The following PTBP2 variants were observed in gnomAD, a reference collection of about 807,000 sequenced individuals.
The protein encoded by PTBP2 is polypyrimidine tract binding protein 2.
Under a neutral mutation model 61.4 loss-of-function variants are expected in PTBP2, and 13 were observed. The observed-to-expected ratio is 0.21, with a 90% CI of 0.14 to 0.34. The LOEUF is 0.34. Ranked by LOEUF, PTBP2 falls within the 10% of genes least tolerant of loss-of-function variation. The pLI is 1.00. For synonymous variants in PTBP2, 215 were observed against 218.5 expected (o/e 0.98, Z 0.14); for missense variants, 405 against 642.6 (o/e 0.63, Z 4.00).
chr1:96,796,660 T>C (rs192524637), intron 8 of PTBP2, among the ~76,000 whole-genome samples: 232 of 152,292 alleles, frequency 1.5e-3, no homozygotes, highest in Admixed American at 2.9e-3. Context: ...GATGAAAGCA[T>C]AGACAGAATG....
chr1:96,739,126 G>A (rs1652630213), intron 2 of PTBP2, among the ~76,000 whole-genome samples: 1 of 152,096 alleles, frequency 6.6e-6, no homozygotes, highest in African/African-American at 2.4e-5. Flanking sequence ...TCTCCAGGTT[G>A]ATGGGATTAG....
chr1:96,759,278 A>G (rs941842500), intron 3 of PTBP2, among the ~76,000 whole-genome samples: 1 of 152,206 alleles, frequency 6.6e-6, no homozygotes, highest in Non-Finnish European at 1.5e-5. Flanking sequence ...ATGTGGAAAT[A>G]AAAAGGAGCT....
In PTBP2 at chr1:96,796,439, T is replaced by G. The variant is rs991066009; in HGVS notation, c.905-8361T>G. On this transcript the variant is annotated intron_variant, in intron 8 of 13. Coordinates refer to ENST00000674951, the MANE Select transcript of PTBP2 (RefSeq NM_021190.4). Reference sequence around the variant, plus strand: ...GATGAAAGAAGTGAGGATTTTGAAGTTGGTTGAAAGATTTGATTGAATTCT... The same window carrying G: ...GATGAAAGAAGTGAGGATTTTGAAGGTGGTTGAAAGATTTGATTGAATTCT... 2.6e-5 allele frequency among the ~76,000 whole-genome samples: 4 copies of G among 152,058 alleles called. No individual in the cohort carries two copies. In the East Asian group the frequency reaches 7.7e-4, roughly 29 times the overall value.
intron 8 of PTBP2, among the ~76,000 whole-genome samples, chr1:96,792,286 C>T (rs1389148425): frequency 6.6e-6 from 1 of 152,138 alleles, no homozygotes. Context: ...AGGCACTGTT[C>T]TTAGCCCTTT....
intron 5 of PTBP2, among the ~76,000 whole-genome samples, chr1:96,776,216 T>G (rs1658022237): frequency 6.6e-6 from 1 of 152,024 alleles, no homozygotes; most frequent in African/African-American, 2.4e-5. Flanking sequence ...TAAGAACATG[T>G]TCACTAATGA....
At chr1:96,762,319 C>T (rs1655999329) in intron 3 of PTBP2, among the ~76,000 whole-genome samples, 1 of 151,126 alleles carries the variant, frequency 6.6e-6, no homozygotes, top group Non-Finnish European at 1.5e-5. Context: ...GGCAGAGGCG[C>T]CCCTCACTCC....
intron 2 of PTBP2, among the ~76,000 whole-genome samples, chr1:96,744,676 A>G (rs1347908220): frequency 2.0e-5 from 3 of 152,176 alleles, no homozygotes; most frequent in Admixed American, 6.5e-5. Context: ...TTGGCTATCT[A>G]TGTAGTGTCT....
At chr1:96,784,274 T>C (rs1202525895) in intron 7 of PTBP2, among the ~76,000 whole-genome samples, 1 of 151,698 alleles carries the variant, frequency 6.6e-6, no homozygotes, top group African/African-American at 2.4e-5. Flanking sequence ...TTCACATATG[T>C]TGTCTTTAAT....
At chr1:96,737,907 T>C (rs765464881) in intron 2 of PTBP2, among the ~76,000 whole-genome samples, 21 of 152,164 alleles carry the variant, frequency 1.4e-4, no homozygotes, top group Non-Finnish European at 2.9e-4. Context: ...CTAGCTTGCT[T>C]TCATGCCACG....
intron 3 of PTBP2, among the ~76,000 whole-genome samples, chr1:96,761,590 A>C (rs913804404): frequency 6.6e-6 from 1 of 152,120 alleles, no homozygotes; most frequent in African/African-American, 2.4e-5. Context: ...GAAGAAGACA[A>C]GTTTGGAATA....
At chr1:96,754,956 G>A (rs1462124565) in intron 3 of PTBP2, among the ~76,000 whole-genome samples, 1 of 152,110 alleles carries the variant, frequency 6.6e-6, no homozygotes, top group African/African-American at 2.4e-5. Context: ...GAATGTATTT[G>A]ATATGACCCT....
intron 1 of PTBP2, among the ~76,000 whole-genome samples, chr1:96,723,360 T>G (rs1377832594): frequency 6.6e-6 from 1 of 152,226 alleles, no homozygotes; most frequent in Admixed American, 6.5e-5. Flanking sequence ...ACAAGTTGTC[T>G]CACATTTGAA....
At chr1:96,791,827 T>TTTTTTTTTTTTTTTTTTTTG (rs1659846634) in intron 8 of PTBP2, among the ~76,000 whole-genome samples, 8 of 81,944 alleles carry the variant, frequency 9.8e-5, no homozygotes, top group African/African-American at 3.4e-4. Flanking sequence ...GGAGTTGTGC[T>TTTTTTTTTTTTTTTTTTTTG]TTTTTTTTTT....
chr1:96,761,644 T>C (rs1655885315), intron 3 of PTBP2, among the ~76,000 whole-genome samples: 1 of 152,122 alleles, frequency 6.6e-6, no homozygotes, highest in South Asian at 2.1e-4. Context: ...TGGTAGAAGA[T>C]GATGCCATTA....
At chr1:96,795,892 T>C (rs1660328646) in intron 8 of PTBP2, among the ~76,000 whole-genome samples, 1 of 152,160 alleles carries the variant, frequency 6.6e-6, no homozygotes, top group Admixed American at 6.5e-5. Context: ...ATGGACATAA[T>C]GATAATAATC....
intron 3 of PTBP2, among the ~76,000 whole-genome samples, chr1:96,758,285 ATCTT>A (rs962926024): frequency 1.6e-4 from 25 of 152,182 alleles, no homozygotes; most frequent in African/African-American, 6.0e-4. Context: ...AATTAAAAAA[ATCTT>A]TCCACAAAGA....
chr1:96,807,050 C>A, intron 11 of PTBP2, 92 bp downstream of exon 11: 1 of 915,388 alleles, frequency 1.1e-6, no homozygotes, highest in South Asian at 1.7e-5. Context: ...TCCTTTACAT[C>A]AGTAAGAAAT....
At chr1:96,723,488 TA>T in intron 1 of PTBP2, 75 bp from the exon 2 acceptor site, 1 of 1,295,672 alleles carries the variant, frequency 7.7e-7, no homozygotes, top group South Asian at 1.5e-5. Flanking sequence ...TGGACTATCC[TA>T]AAAAGTTTTA....
chr1:96,791,091 G>A (rs181744869), intron 8 of PTBP2, among the ~76,000 whole-genome samples: 6 of 150,364 alleles, frequency 4.0e-5, no homozygotes, highest in Admixed American at 2.6e-4. Context: ...GTTTTTTGTC[G>A]TATGTGTACT....
Sources: gnomAD v4.1 joint callset for allele counts (sites outside exome capture counted in the v4.1 genomes callset) on GRCh38, gnomAD v4.1.1 for gene constraint, MANE v1.5 for transcripts, NCBI Gene and HGNC (gene_info 2026-07-23, HGNC 2026-07-21) for gene names.